Variants in ERI3 observed in about 807,000 individuals in gnomAD.
ERI3 encodes the protein ERI1 exoribonuclease 3.
Under a neutral mutation model 44.4 loss-of-function variants are expected in ERI3, and 18 were observed. The observed-to-expected ratio is 0.41, with a 90% confidence interval of 0.28 to 0.60. ERI3 has a LOEUF of 0.60. Ranked by LOEUF, ERI3 falls within the 20% of genes least tolerant of loss-of-function variation. The probability of loss-of-function intolerance (pLI) is 0.36; values close to 1 mark genes in which losing one functional copy is unlikely to be tolerated. For missense variants in ERI3, 294 were observed against 435.5 expected (o/e 0.68, Z 2.89); for synonymous variants, 183 against 164.8 (o/e 1.11, Z -0.84).
At chr1:44,273,522 A>G (rs979418778) in intron 7 of ERI3, among the ~76,000 whole-genome samples, 13 of 152,354 alleles carry the variant, frequency 8.5e-5, no homozygotes, top group Middle Eastern at 3.4e-3. Flanking sequence ...CCCAAGATTC[A>G]GTGTGGATTA....
In ERI3 at chr1:44,313,187, G is replaced by A; in HGVS notation, c.648C>T (p.Ser216=). Residue 216 remains serine, a synonymous_variant, in exon 5 of 9, where the codon AGC becomes AGT. Coordinates refer to ENST00000372257, the MANE Select transcript of ERI3 (RefSeq NM_024066.3). ...AACCTACCTCCAGCACTTGCTGCAG[G>A]CTTGGCTGACCATCCACCATGGCTT... The part of the protein sequence containing the change: ...IIQAMVDGQP[S]LQQVLERVDE... 4 of 1,614,160 alleles carry A rather than the reference G, an allele frequency of 2.5e-6. No individual in the cohort carries two copies. The highest frequency in any genetic ancestry group is 3.4e-6 in the Non-Finnish European group (4 of 1,180,012).
intron 7 of ERI3, among the ~76,000 whole-genome samples, chr1:44,257,579 C>T (rs1327020244): frequency 6.6e-6 from 1 of 152,210 alleles, no homozygotes; most frequent in African/African-American, 2.4e-5. Flanking sequence ...CACTGCTGCA[C>T]CAAATCATCT....
intron 8 of ERI3, among the ~76,000 whole-genome samples, chr1:44,224,898 C>T (rs749054118): frequency 1.2e-4 from 19 of 152,182 alleles, no homozygotes; most frequent in Non-Finnish European, 4.4e-5. Context: ...GCTTCTAGCT[C>T]CAGGCTCTTT....
intron 3 of ERI3, among the ~76,000 whole-genome samples, chr1:44,333,702 A>G (rs1646476568): frequency 6.6e-6 from 1 of 152,226 alleles, no homozygotes; most frequent in African/African-American, 2.4e-5. Context: ...AATTTCCTGT[A>G]AAGTTTTCCA....
intron 5 of ERI3, 86 bp downstream of exon 5, chr1:44,313,083 T>C (rs1646007948): frequency 8.6e-7 from 1 of 1,168,928 alleles, no homozygotes; most frequent in Non-Finnish European, 1.3e-6. Context: ...CATAGTCAAA[T>C]TACACGGCTA....
At chr1:44,243,131 C>T (rs937970527) in intron 8 of ERI3, among the ~76,000 whole-genome samples, 3 of 152,214 alleles carry the variant, frequency 2.0e-5, no homozygotes, top group Admixed American at 6.5e-5. Context: ...CCCCCTGGGG[C>T]CCAGGCCCCC....
chr1:44,346,934 C>A (rs1427032509), intron 2 of ERI3, among the ~76,000 whole-genome samples: 1 of 152,084 alleles, frequency 6.6e-6, no homozygotes, highest in Non-Finnish European at 1.5e-5. Context: ...AAAGCAAACA[C>A]CCTTTTCTGA....
rs1350969517 is a variant in ERI3 at position 44,284,112 on chromosome 1, C to A, written c.831+723G>T. ...TATGGGGGTGAGTCTCCCTAGTGGA[C>A]TGGGCCTCCTGGAGCAAGGATTCCT... On this transcript the variant is annotated intron_variant, in intron 7 of 8. Transcript: ENST00000372257. 3 of 468,970 alleles carry A rather than the reference C, an allele frequency of 6.4e-6. No individual in the cohort carries two copies. The East Asian group carries it at 2.1e-4, about 33-fold the overall frequency. 29.1% of individuals were successfully genotyped at this position (468,970 alleles called of 1,614,324 possible).
chr1:44,281,495 G>A (rs184812768), intron 7 of ERI3, among the ~76,000 whole-genome samples: 44 of 151,190 alleles, frequency 2.9e-4, no homozygotes, highest in African/African-American at 1.0e-3. Flanking sequence ...GGCTGAAGTG[G>A]GAGGATCATC....
chr1:44,229,756 CA>C (rs1480523655), intron 8 of ERI3, among the ~76,000 whole-genome samples: 1 of 45,424 alleles, frequency 2.2e-5, no homozygotes, highest in Non-Finnish European at 4.3e-5. Flanking sequence ...GCGGAGTTCT[CA>C]GGGGGTGCAT....
rs760666739 is a variant in ERI3 at position 44,339,223 on chromosome 1, G to A, written c.311C>T (p.Ser104Phe). The change falls in exon 3 of 9, where the codon TCC becomes TTC. Residue 104 changes from serine (S) to phenylalanine (F), a missense_variant. Physicochemically the swap from Ser to Phe is radical, Grantham distance 155. Coordinates refer to ENST00000372257, the MANE Select transcript of ERI3 (RefSeq NM_024066.3). The part of the protein sequence containing the change: ...LLSRARKVLG[S>F]HLFSPCGVPE... ...AACACCACAGGGAGAAAATAAGTGG[G>A]AGCCCAGCACTTTTCTTGCTCTTGA... 1 of 1,613,902 alleles carries A rather than the reference G, an allele frequency of 6.2e-7. No individual in the cohort carries two copies. Among genetic ancestry groups the A allele is most frequent in the Admixed American group, 1.7e-5 (1 of 59,990 alleles).
chr1:44,286,148 T>C (rs1466818436), intron 6 of ERI3, among the ~76,000 whole-genome samples: 1 of 152,232 alleles, frequency 6.6e-6, no homozygotes, highest in Non-Finnish European at 1.5e-5. Context: ...ATGGAGAGCC[T>C]ATGTGACATC....
At chr1:44,350,955 C>T (rs1390685143) in intron 2 of ERI3, among the ~76,000 whole-genome samples, 2 of 152,120 alleles carry the variant, frequency 1.3e-5, no homozygotes, top group Non-Finnish European at 2.9e-5. Context: ...CACGTAATTG[C>T]CACAGCCTCC....
chr1:44,291,871 G>C (rs560097871), intron 6 of ERI3, among the ~76,000 whole-genome samples: 2 of 152,300 alleles, frequency 1.3e-5, no homozygotes, highest in Admixed American at 6.5e-5. Context: ...GGCACCTTGG[G>C]ACTCATTCTC....
intron 6 of ERI3, among the ~76,000 whole-genome samples, chr1:44,302,180 G>T (rs143824706): frequency 6.6e-6 from 1 of 152,206 alleles, no homozygotes; most frequent in African/African-American, 2.4e-5. Flanking sequence ...CTTCCTGGCC[G>T]TTGTGGAGAA....
In ERI3 at chr1:44,228,637, G is replaced by A. The variant is rs991031044; in HGVS notation, c.932-6997C>T. Among the ~76,000 whole-genome samples, 10 of 152,158 alleles carry A rather than the reference G, an allele frequency of 6.6e-5. No homozygotes were observed. Among genetic ancestry groups the A allele is most frequent in the Non-Finnish European group, 1.0e-4 (7 of 68,020 alleles). On this transcript the variant is annotated intron_variant, in intron 8 of 8. Coordinates refer to ENST00000372257, the MANE Select transcript of ERI3 (RefSeq NM_024066.3). The surrounding 1 kb of genome is among the most constrained non-coding windows in gnomAD (Gnocchi z 4.3). ...CCTGGAGGCCAGGCATGGAAATGAG[G>A]CCATTACACACCCATTACCCGCCAG... is the stretch of plus-strand genomic sequence containing the variant.
chr1:44,257,089 C>T (rs527820034), intron 7 of ERI3, among the ~76,000 whole-genome samples: 22 of 152,200 alleles, frequency 1.4e-4, no homozygotes, highest in Admixed American at 7.2e-4. Flanking sequence ...CTTTCCTCCC[C>T]GGGGTGCTGG....
chr1:44,347,222 C>T (rs1002307334), intron 2 of ERI3, among the ~76,000 whole-genome samples: 87 of 152,168 alleles, frequency 5.7e-4, no homozygotes, highest in Non-Finnish European at 1.6e-4. Context: ...AGTAACTCAA[C>T]CTTAAGCAAT....
chr1:44,256,953 C>A (rs995574400), intron 7 of ERI3: 1 of 152,218 alleles, frequency 6.6e-6, no homozygotes, highest in Admixed American at 6.5e-5. Flanking sequence ...TGGGGCTCCA[C>A]GTGCACTGTC....
Sources: allele counts gnomAD v4.1 joint callset (sites outside exome capture counted in the v4.1 genomes callset), GRCh38; gene constraint gnomAD v4.1.1; non-coding constraint Gnocchi (gnomAD v3.1); transcripts MANE v1.5; gene names NCBI Gene and HGNC (gene_info 2026-07-23, HGNC 2026-07-21).